Variants in GALNT13 observed in about 807,000 individuals in gnomAD.
The protein encoded by GALNT13 is polypeptide N-acetylgalactosaminyltransferase 13.
A neutral mutation model predicts 64.2 loss-of-function variants in GALNT13; 28 were observed. That is an observed-to-expected ratio of 0.44 (90% CI 0.32 to 0.60). GALNT13 has a LOEUF of 0.60. GALNT13 is among the 20% of genes least tolerant of loss of function. The probability of loss-of-function intolerance (pLI) is 0.05; values close to 1 mark genes in which losing one functional copy is unlikely to be tolerated. For missense variants in GALNT13, 577 were observed against 669.8 expected (o/e 0.86, Z 1.53); for synonymous variants, 214 against 224.6 (o/e 0.95, Z 0.42).
chr2:154,266,407 T>A (rs113364611), intron 8 of GALNT13, among the ~76,000 whole-genome samples: 1 of 152,072 alleles, frequency 6.6e-6, no homozygotes, highest in Non-Finnish European at 1.5e-5. Context: ...AATAAGACAG[T>A]CTTCTTATCA....
chr2:153,248,148 T>A, the GALNT13 span, among the ~76,000 whole-genome samples: 2 of 152,284 alleles, frequency 1.3e-5, no homozygotes, highest in Admixed American at 1.3e-4. Context: ...GAGGAGCTGG[T>A]ACCATTCCTT....
chr2:153,682,878 G>T, the GALNT13 span, among the ~76,000 whole-genome samples: 1 of 151,690 alleles, frequency 6.6e-6, no homozygotes, highest in African/African-American at 2.4e-5. Context: ...AGTTTAATTA[G>T]AAATGAAGTG....
At chr2:153,914,867 G>A (rs1367364639) in intron 2 of GALNT13, among the ~76,000 whole-genome samples, 1 of 152,144 alleles carries the variant, frequency 6.6e-6, no homozygotes, top group Non-Finnish European at 1.5e-5. Context: ...CAATCCTCCA[G>A]TGGTAAATTG....
the GALNT13 span, among the ~76,000 whole-genome samples, chr2:153,080,645 G>A: frequency 1.1e-4 from 17 of 151,994 alleles, no homozygotes; most frequent in African/African-American, 3.4e-4. Context: ...TTGTTGATTT[G>A]TTATTTAGGT....
At chr2:153,843,472 G>T in the GALNT13 span, among the ~76,000 whole-genome samples, 1 of 152,126 alleles carries the variant, frequency 6.6e-6, no homozygotes, top group Admixed American at 6.5e-5. Context: ...CTCTAGCACT[G>T]GTGATTACAT....
chr2:153,187,853 A>G, the GALNT13 span, among the ~76,000 whole-genome samples: 2 of 152,168 alleles, frequency 1.3e-5, no homozygotes, highest in African/African-American at 4.8e-5. Flanking sequence ...TTAACATACA[A>G]AACTTAACAA....
chr2:153,296,457 T>C, the GALNT13 span, among the ~76,000 whole-genome samples: 1 of 152,236 alleles, frequency 6.6e-6, no homozygotes, highest in Non-Finnish European at 1.5e-5. Flanking sequence ...CAAATATTCA[T>C]AAATTCCAGG....
chr2:153,077,100 C>T, the GALNT13 span, among the ~76,000 whole-genome samples: 3 of 151,838 alleles, frequency 2.0e-5, no homozygotes, highest in Non-Finnish European at 2.9e-5. Context: ...TACAGGTGCC[C>T]GCCACCACAC....
the GALNT13 span, among the ~76,000 whole-genome samples, chr2:153,771,035 C>T: frequency 2.6e-3 from 390 of 152,232 alleles, 1 homozygote; most frequent in African/African-American, 7.0e-3. Context: ...GGGTGTCAAG[C>T]GGAAAGAACA....
At chr2:153,642,601 A>C in the GALNT13 span, among the ~76,000 whole-genome samples, 3,280 of 152,008 alleles carry the variant, frequency 0.022, 111 homozygotes, top group African/African-American at 0.074. Flanking sequence ...ACAAGACTAC[A>C]AATTGTGAAA....
the GALNT13 span, among the ~76,000 whole-genome samples, chr2:153,808,282 T>C: frequency 6.6e-6 from 1 of 152,122 alleles, no homozygotes; most frequent in Admixed American, 6.5e-5. Context: ...TAGGCTATTT[T>C]TTTCCCACGA....
At chr2:153,670,554 C>T in the GALNT13 span, among the ~76,000 whole-genome samples, 1 of 152,194 alleles carries the variant, frequency 6.6e-6, no homozygotes, top group East Asian at 1.9e-4. Flanking sequence ...ACCTCACCAA[C>T]ATCAAAGACC....
chr2:153,873,092 T>C (rs951189920), intron 1 of GALNT13, among the ~76,000 whole-genome samples: 2 of 152,178 alleles, frequency 1.3e-5, no homozygotes. Context: ...CTCTGTCATC[T>C]CTCTGCCCCG....
At chr2:154,433,818 T>C (rs1700808959) in intron 11 of GALNT13, among the ~76,000 whole-genome samples, 1 of 152,060 alleles carries the variant, frequency 6.6e-6, no homozygotes, top group Non-Finnish European at 1.5e-5. Context: ...TGTTATCTAC[T>C]CCAATACATT....
Position 153,978,744 on chromosome 2 carries a change from G to A in GALNT13, c.142+34105G>A, listed in dbSNP as rs949044788. Among the ~76,000 whole-genome samples, 3 of 152,154 alleles carry A rather than the reference G, an allele frequency of 2.0e-5. No individual in the cohort carries two copies. The East Asian group carries it at 5.8e-4, about 29-fold the overall frequency. ...TTGGGTATGTCTTTATCAGCAGCAT[G>A]AAGATGGACTAATAAAATATCTTGT... On this transcript the variant is annotated intron_variant, in intron 3 of 12. Transcript: ENST00000392825.
chr2:154,344,937 C>A (rs999767135), intron 9 of GALNT13, among the ~76,000 whole-genome samples: 1 of 151,932 alleles, frequency 6.6e-6, no homozygotes, highest in African/African-American at 2.4e-5. Flanking sequence ...CTCCTCCAAG[C>A]ACTGTGTGGC....
chr2:153,379,067 T>A, the GALNT13 span, among the ~76,000 whole-genome samples: 4 of 152,258 alleles, frequency 2.6e-5, no homozygotes, highest in Admixed American at 6.5e-5. Flanking sequence ...GAGTGGGGAA[T>A]GTTCCTAGTA....
At chr2:153,726,848 G>A in the GALNT13 span, among the ~76,000 whole-genome samples, 1 of 150,162 alleles carries the variant, frequency 6.7e-6, no homozygotes, top group Non-Finnish European at 1.5e-5. Flanking sequence ...GCTGAGGCGG[G>A]AGAATGGTGT....
chr2:153,504,422 T>C, the GALNT13 span, among the ~76,000 whole-genome samples: 1 of 152,190 alleles, frequency 6.6e-6, no homozygotes, highest in African/African-American at 2.4e-5. Context: ...AGTACTATCT[T>C]GAATAGAAGC....
Sources: allele counts gnomAD v4.1 joint callset (sites outside exome capture counted in the v4.1 genomes callset), GRCh38; gene constraint gnomAD v4.1.1; transcripts MANE v1.5; gene names NCBI Gene and HGNC (gene_info 2026-07-23, HGNC 2026-07-21).